The following CDH13 variants were observed in gnomAD, a reference collection of about 807,000 sequenced individuals.
The protein encoded by CDH13 is cadherin 13.
Under a neutral mutation model 63.8 loss-of-function variants are expected in CDH13, and 24 were observed. That is an observed-to-expected ratio of 0.38 (90% CI 0.27 to 0.53). The LOEUF is 0.53. Ranked by LOEUF, CDH13 falls within the 20% of genes least tolerant of loss-of-function variation. CDH13 has a pLI of 0.85. For synonymous variants in CDH13, 503 were observed against 355.3 expected (o/e 1.42, Z -4.67); for missense variants, 1,049 against 903.1 (o/e 1.16, Z -2.07).
At chr16:82,773,360 A>C (rs1421403345) in intron 1 of CDH13, 1 of 152,250 alleles carries the variant, frequency 6.6e-6, no homozygotes, top group African/African-American at 2.4e-5. Context: ...GCAAGGACAT[A>C]TGAAGGGTCT....
chr16:83,582,292 T>TC (rs1299628211), intron 7 of CDH13, among the ~76,000 whole-genome samples: 1 of 152,134 alleles, frequency 6.6e-6, no homozygotes, highest in Non-Finnish European at 1.5e-5. Context: ...CTTTTTTTTT[T>TC]CCATCAGGCC....
chr16:82,987,970 T>G (rs1015839827), intron 2 of CDH13, among the ~76,000 whole-genome samples: 4 of 152,212 alleles, frequency 2.6e-5, no homozygotes, highest in South Asian at 2.1e-4. Flanking sequence ...GTCTCATTGT[T>G]TGCTACACTA....
chr16:83,272,880 G>C (rs1432335630), intron 5 of CDH13, among the ~76,000 whole-genome samples: 1 of 152,160 alleles, frequency 6.6e-6, no homozygotes. Flanking sequence ...TTTAGACGTG[G>C]ATTGTACTCT....
At chr16:83,205,317 T>C (rs537728789) in intron 4 of CDH13, among the ~76,000 whole-genome samples, 3 of 152,266 alleles carry the variant, frequency 2.0e-5, no homozygotes, top group African/African-American at 7.2e-5. Context: ...CAATAAGGGA[T>C]GTAAAATTAT....
intron 6 of CDH13, among the ~76,000 whole-genome samples, chr16:83,479,772 G>A (rs898701503): frequency 3.9e-5 from 6 of 152,214 alleles, no homozygotes; most frequent in Admixed American, 2.6e-4. Context: ...GAGAAAGTTG[G>A]TCATTAGGAG....
At chr16:82,808,803 T>G (rs1487031236) in intron 1 of CDH13, among the ~76,000 whole-genome samples, 6 of 152,162 alleles carry the variant, frequency 3.9e-5, no homozygotes, top group African/African-American at 1.2e-4. Context: ...GTTATTCATT[T>G]TAACTGCTGT....
chr16:83,272,606 G>C (rs1262420752), intron 5 of CDH13, among the ~76,000 whole-genome samples: 36 of 152,134 alleles, frequency 2.4e-4, no homozygotes, highest in Admixed American at 2.2e-3. Context: ...CTGAGCTTCA[G>C]ACCCACCAGG....
intron 10 of CDH13, among the ~76,000 whole-genome samples, chr16:83,736,983 G>T (rs935197921): frequency 2.0e-5 from 3 of 152,184 alleles, no homozygotes; most frequent in African/African-American, 7.2e-5. Flanking sequence ...CAGTTCCATT[G>T]TTTGCCAGGG....
At chr16:83,286,006 G>A (rs2089303103) in intron 5 of CDH13, among the ~76,000 whole-genome samples, 1 of 152,146 alleles carries the variant, frequency 6.6e-6, no homozygotes, top group South Asian at 2.1e-4. Context: ...GAGGAGCAAA[G>A]AGCCGTTGCC....
At chr16:82,986,901 C>G (rs1911012736) in intron 2 of CDH13, among the ~76,000 whole-genome samples, 1 of 152,176 alleles carries the variant, frequency 6.6e-6, no homozygotes, top group Admixed American at 6.5e-5. Context: ...TTGTGTAGGA[C>G]AGACTCACCT....
chr16:83,024,158 C>T (rs925680864), intron 2 of CDH13, among the ~76,000 whole-genome samples: 2 of 152,116 alleles, frequency 1.3e-5, no homozygotes, highest in African/African-American at 4.8e-5. Context: ...TAGTACCAGC[C>T]AGCATTTCCA....
At chr16:82,969,857 C>T (rs755501629) in intron 2 of CDH13, among the ~76,000 whole-genome samples, 11 of 152,150 alleles carry the variant, frequency 7.2e-5, no homozygotes, top group African/African-American at 1.9e-4. Flanking sequence ...CTCCAGGAAA[C>T]GTCTTCCTAA....
chr16:83,520,559 C>T lies in CDH13; in HGVS notation c.960+33904C>T, dbSNP rs74657992. ...TAGGCAAAAATCCTCTGTGTCTCGA[C>T]GTCATTGCATGGATCCACTCTATGG... On this transcript the variant is annotated intron_variant, in intron 7 of 13. Coordinates refer to ENST00000567109, the MANE Select transcript of CDH13 (RefSeq NM_001257.5). 7.0e-4 allele frequency among the ~76,000 whole-genome samples: 106 copies of T among 152,240 alleles called. No individual in the cohort carries two copies. In the East Asian group the frequency reaches 0.018, roughly 26 times the overall value.
intron 11 of CDH13, among the ~76,000 whole-genome samples, chr16:83,775,342 G>T (rs1047471257): frequency 6.6e-6 from 1 of 151,768 alleles, no homozygotes; most frequent in Admixed American, 6.7e-5. Context: ...ACCTTCAGCA[G>T]ATTCCCAATT....
intron 11 of CDH13, among the ~76,000 whole-genome samples, chr16:83,753,411 G>T (rs1440666199): frequency 2.0e-5 from 3 of 152,086 alleles, no homozygotes; most frequent in Non-Finnish European, 1.5e-5. Flanking sequence ...ATGCACAGTG[G>T]CACATGACTT....
chr16:82,748,581 G>A (rs985010968), intron 1 of CDH13, among the ~76,000 whole-genome samples: 1 of 151,254 alleles, frequency 6.6e-6, no homozygotes, highest in Non-Finnish European at 1.5e-5. Flanking sequence ...CAGTTTGAGT[G>A]AGCAATGTGA....
In CDH13 at chr16:83,367,935, T is replaced by C. The variant is rs553455385; in HGVS notation, c.781+22929T>C. On this transcript the variant is annotated intron_variant, in intron 6 of 13. Transcript: ENST00000567109. Reference sequence around the variant, plus strand: ...TCCATGAATATAGAATGCCTTTCCATTTATTTTTGTTAATTTCCTTCAACA... The same window carrying C: ...TCCATGAATATAGAATGCCTTTCCACTTATTTTTGTTAATTTCCTTCAACA... Among the ~76,000 whole-genome samples the C allele has an allele frequency of 3.9e-5, 6 of 152,332 alleles. No homozygotes were observed. The East Asian group carries it at 1.2e-3, about 29-fold the overall frequency.
chr16:83,327,013 G>A (rs144576266), intron 5 of CDH13, among the ~76,000 whole-genome samples: 10 of 152,344 alleles, frequency 6.6e-5, no homozygotes, highest in African/African-American at 2.4e-4. Flanking sequence ...ACAAGTGAAA[G>A]AAAAGATGTT....
At chr16:83,690,640 T>C (rs986913682) in intron 10 of CDH13, among the ~76,000 whole-genome samples, 1 of 152,138 alleles carries the variant, frequency 6.6e-6, no homozygotes, top group Non-Finnish European at 1.5e-5. Context: ...GTAGCCATAG[T>C]AATCCAGGTA....
Sources: allele counts gnomAD v4.1 joint callset (sites outside exome capture counted in the v4.1 genomes callset), GRCh38; gene constraint gnomAD v4.1.1; transcripts MANE v1.5; gene names NCBI Gene and HGNC (gene_info 2026-07-23, HGNC 2026-07-21).